The following CDC42BPA variants were observed in gnomAD, a reference collection of about 807,000 sequenced individuals.
The protein encoded by CDC42BPA is serine/threonine-protein kinase MRCK alpha.
In CDC42BPA, 80 loss-of-function variants were observed where a neutral mutation model predicts 223.5. That is an observed-to-expected ratio of 0.36 (90% CI 0.30 to 0.43). The LOEUF is 0.43. Ranked by LOEUF, CDC42BPA falls within the 20% of genes least tolerant of loss-of-function variation. The pLI is 1.00. For missense variants in CDC42BPA, 1,743 were observed against 2,099.9 expected (o/e 0.83, Z 3.32); for synonymous variants, 694 against 718.6 (o/e 0.97, Z 0.55).
chr1:227,169,273 C>G (rs1665690428), intron 5 of CDC42BPA, among the ~76,000 whole-genome samples: 1 of 152,100 alleles, frequency 6.6e-6, no homozygotes, highest in African/African-American at 2.4e-5. Context: ...CAGGGATACT[C>G]TTTTCTCTTG....
intron 17 of CDC42BPA, among the ~76,000 whole-genome samples, chr1:227,080,395 A>G (rs1488598648): frequency 6.6e-6 from 1 of 152,152 alleles, no homozygotes; most frequent in East Asian, 1.9e-4. Context: ...GAGCTTAAGA[A>G]AGAGCTGATA....
rs962839932 is a variant in CDC42BPA at position 226,993,625 on chromosome 1, T to C, written c.*643A>G. 1.9e-4 allele frequency: 29 copies of C among 152,786 alleles called. No homozygotes were observed. The highest frequency in any genetic ancestry group is 7.0e-4 in the African/African-American group (29 of 41,584). The allele number at this position is 152,786 out of a possible 1,614,324, so 9.5% of individuals were successfully genotyped here. A position where few individuals can be genotyped will look rare whatever the true frequency, so the allele number is the denominator to read the frequency against. Reference sequence around the variant, plus strand: ...ATTACATTACAGACAAGAAACAACATATTTCTTTAAATTAAATCATCTCTC... The same window carrying C: ...ATTACATTACAGACAAGAAACAACACATTTCTTTAAATTAAATCATCTCTC... On this transcript the variant is annotated 3_prime_UTR_variant, in exon 37 of 37. Coordinates refer to ENST00000366766, the MANE Select transcript of CDC42BPA (RefSeq NM_001394014.1).
At chr1:227,216,853 G>T (rs1674946099) in intron 2 of CDC42BPA, among the ~76,000 whole-genome samples, 1 of 152,184 alleles carries the variant, frequency 6.6e-6, no homozygotes, top group Admixed American at 6.5e-5. Flanking sequence ...TGTCTTGAAA[G>T]ACTTCATAGT....
chr1:227,201,928 C>T (rs377697765), intron 3 of CDC42BPA, among the ~76,000 whole-genome samples: 184 of 152,232 alleles, frequency 1.2e-3, no homozygotes, highest in African/African-American at 3.9e-3. Context: ...ATTATTATTT[C>T]CCACAAGGAA....
chr1:227,125,340 G>A (rs1256906518), intron 11 of CDC42BPA, among the ~76,000 whole-genome samples: 4 of 151,924 alleles, frequency 2.6e-5, no homozygotes, highest in African/African-American at 9.7e-5. Flanking sequence ...TGCTGGGTGT[G>A]GTTACTCATC....
chr1:227,101,085 T>C lies in CDC42BPA; in HGVS notation c.2156A>G (p.Lys719Arg). 6.4e-7 allele frequency: 1 copy of C among 1,567,846 alleles called. No individual in the cohort carries two copies. The highest frequency in any genetic ancestry group is 1.1e-5 in the South Asian group (1 of 89,904). ...ACCTTCTGAATCATGCAGTTCTTTC[T>C]TAAGATTTTTTATTTCATTTGCATG... ...GIHANEIKNL[K>R]KELHDSEGQQ... The change falls in exon 15 of 37, where the codon AAG (lysine) becomes AGG (arginine). Residue 719 changes from lysine to arginine, a missense_variant. Physicochemically the swap from Lys to Arg is conservative, Grantham distance 26. This residue lies in a region of CDC42BPA where 464 missense variants were observed against 488.0 expected (regional missense o/e 0.95). Transcript: ENST00000366766.
chr1:227,273,110 A>C (rs991440831), intron 1 of CDC42BPA, among the ~76,000 whole-genome samples: 39 of 151,990 alleles, frequency 2.6e-4, no homozygotes, highest in Admixed American at 6.5e-5. Context: ...CCAGCCTGGC[A>C]AACATGGTGA....
chr1:227,188,671 TCA>T lies in CDC42BPA; in HGVS notation c.599+5113_599+5114del, dbSNP rs900677708. ...GCAAACCTATGAGACAGTAAAAAGA[TCA>T]GTCATGTCCAGGGGTTAGCGGGAAG... On this transcript the variant is annotated intron_variant, in intron 5 of 36. Transcript: ENST00000366766. 6.2e-4 allele frequency among the ~76,000 whole-genome samples: 94 copies of T among 152,198 alleles called. 1 individual carries two copies. Among genetic ancestry groups the T allele is most frequent in the Admixed American group, 1.0e-3 (16 of 15,290 alleles).
intron 23 of CDC42BPA, among the ~76,000 whole-genome samples, chr1:227,042,875 T>A (rs2148788360): frequency 6.6e-6 from 1 of 152,288 alleles, no homozygotes; most frequent in South Asian, 2.1e-4. Flanking sequence ...TTCAAAGTGG[T>A]GATTAGAAAG....
chr1:227,112,072 ACATTCT>A lies in CDC42BPA; in HGVS notation c.2001+234_2001+239del. ...GTACATCTTGTGTAGGTCTGCATAA[ACATTCT>A]AACTCCCTCCTGATAGATTCATATT... On this transcript the variant is annotated intron_variant, in intron 14 of 36. Coordinates refer to ENST00000366766, the MANE Select transcript of CDC42BPA (RefSeq NM_001394014.1). 10 of 328,882 alleles carry A rather than the reference ACATTCT, an allele frequency of 3.0e-5. No individual in the cohort carries two copies. The South Asian group carries it at 3.4e-4, about 11-fold the overall frequency. 20.4% of individuals were successfully genotyped at this position (328,882 alleles called of 1,614,324 possible).
chr1:227,074,008 A>C lies in CDC42BPA; in HGVS notation c.2591T>G (p.Met864Arg), dbSNP rs760456545. ...CGCAAAACGACGCATTTTCCAGGGCATATCCTATGAAATAATGACTGTGTT... is the reference window on the plus strand; with the variant it reads ...CGCAAAACGACGCATTTTCCAGGGCCTATCCTATGAAATAATGACTGTGTT... ...NSSLGTRATD[M>R]PWKMRRFAKL... The change falls in exon 19 of 37, where the codon ATG becomes AGG. Residue 864 changes from methionine to arginine, a missense_variant. Transcript: ENST00000366766. The C allele has an allele frequency of 1.2e-6, 2 of 1,609,724 alleles. No individual in the cohort carries two copies. Among genetic ancestry groups the C allele is most frequent in the East Asian group, 2.2e-5 (1 of 44,782 alleles).
intron 20 of CDC42BPA, among the ~76,000 whole-genome samples, chr1:227,071,469 A>G (rs11808903): frequency 0.13 from 19,576 of 151,816 alleles, 1,340 homozygotes; most frequent in East Asian, 0.26. Flanking sequence ...TAAGAAGTTC[A>G]TGTAATACAG....
chr1:227,236,441 TAAAC>T (rs1679034871), intron 2 of CDC42BPA, among the ~76,000 whole-genome samples: 1 of 152,340 alleles, frequency 6.6e-6, no homozygotes, highest in South Asian at 2.1e-4. Flanking sequence ...GTGCTAATCT[TAAAC>T]TATTCAAAGT....
chr1:227,255,538 T>A (rs1682894066), intron 1 of CDC42BPA, among the ~76,000 whole-genome samples: 3 of 152,218 alleles, frequency 2.0e-5, no homozygotes, highest in African/African-American at 7.2e-5. Context: ...CTGTAGTCCT[T>A]AGCTACACAG....
Position 227,317,143 on chromosome 1 carries a change from T to C in CDC42BPA, c.40A>G (p.Ile14Val). ...EVRLRQLEQF[I>V]LDGPAQTNGQ... is the part of the protein sequence containing the mutation. ...TTGGTCTGAGCGGGCCCGTCCAAAA[T>C]AAACTGCTCCAACTGCCTCAAACGC... Residue 14 changes from isoleucine (I) to valine (V), a missense_variant, in exon 1 of 37, where the codon ATT becomes GTT. Ile to Val is a conservative substitution (Grantham distance 29, BLOSUM62 3). This residue lies in a region of CDC42BPA where 321 missense variants were observed against 488.7 expected (regional missense o/e 0.66). Coordinates refer to ENST00000366766, the MANE Select transcript of CDC42BPA (RefSeq NM_001394014.1). The C allele has an allele frequency of 6.2e-7, 1 of 1,613,830 alleles. No homozygotes were observed.
intron 10 of CDC42BPA, among the ~76,000 whole-genome samples, chr1:227,133,964 A>AAATAAATGAAT (rs1553355372): frequency 7.7e-5 from 3 of 38,798 alleles, no homozygotes; most frequent in Non-Finnish European, 2.0e-4. Flanking sequence ...GATCAATAAA[A>AAATAAATGAAT]AAATAAATGA....
intron 5 of CDC42BPA, among the ~76,000 whole-genome samples, chr1:227,165,502 T>C (rs1008369599): frequency 6.6e-6 from 1 of 152,192 alleles, no homozygotes; most frequent in Non-Finnish European, 1.5e-5. Context: ...TTATTAATTA[T>C]AGGAAAAATT....
intron 15 of CDC42BPA, among the ~76,000 whole-genome samples, chr1:227,100,747 A>AGAGTGTGTGT (rs369036231): frequency 7.3e-6 from 1 of 137,326 alleles, no homozygotes; most frequent in Non-Finnish European, 1.6e-5. Flanking sequence ...ATACCCAGCT[A>AGAGTGTGTGT]GTGTGTGTGT....
chr1:227,132,401 G>A lies in CDC42BPA; in HGVS notation c.1391-3170C>T, dbSNP rs7415650. On this transcript the variant is annotated intron_variant, in intron 10 of 36. Coordinates refer to ENST00000366766, the MANE Select transcript of CDC42BPA (RefSeq NM_001394014.1). ...GCCAGCCTCGGCCTCCCGAGGTGCC[G>A]GGATTGCAGACGGAGTCTCGTTCAC... 2.6e-3 allele frequency among the ~76,000 whole-genome samples: 390 copies of A among 151,322 alleles called. 10 individuals carry two copies. The East Asian group carries it at 0.047, about 18-fold the overall frequency.
Sources: gnomAD v4.1 joint callset for allele counts (sites outside exome capture counted in the v4.1 genomes callset) on GRCh38, gnomAD v4.1.1 for gene constraint, gnomAD v4.1.1 regional missense constraint, MANE v1.5 for transcripts, NCBI Gene and HGNC (gene_info 2026-07-23, HGNC 2026-07-21) for gene names.